The following EFCAB8 variants were observed in gnomAD, a reference collection of about 807,000 sequenced individuals.
The protein encoded by EFCAB8 is EF-hand calcium-binding domain-containing protein 8.
A neutral mutation model predicts 116.3 loss-of-function variants in EFCAB8; 100 were observed. The observed-to-expected ratio is 0.86, with a 90% CI of 0.73 to 1.02. EFCAB8 has a LOEUF of 1.02. Ranked by LOEUF, EFCAB8 falls within the 50% of genes least tolerant of loss-of-function variation. The probability of loss-of-function intolerance (pLI) is 0.00; values close to 1 mark genes in which losing one functional copy is unlikely to be tolerated. For synonymous variants in EFCAB8, 558 were observed against 567.9 expected, an observed-to-expected ratio of 0.98 and a Z score of 0.25; for missense variants, 1,320 against 1,416.9, an observed-to-expected ratio of 0.93 and a Z score of 1.10.
rs539746872 is a variant in EFCAB8, at chr20:32,917,439, C to T, written c.1995C>T (p.Thr665=). The stretch of plus-strand genomic sequence containing the variant: ...GTGGGGACATCCTCTTCTGGAACAC[C>T]GGCACACTCAAGCCCATCTTCAACT... ...SYSGDILFWN[T]GTLKPIFNFN... is the part of the protein sequence containing the mutation. Residue 665 remains threonine (T), a synonymous_variant, in exon 18 of 27, where the codon ACC becomes ACT. Coordinates refer to ENST00000400522, the MANE Select transcript of EFCAB8 (RefSeq NM_001143967.2). 82 of 1,552,088 alleles carry T rather than the reference C, an allele frequency of 5.3e-5. No individual in the cohort carries two copies. Among genetic ancestry groups the T allele is most frequent in the South Asian group, 5.1e-4 (43 of 84,058 alleles).
In EFCAB8 at chr20:32,876,064, T is replaced by C; in HGVS notation, c.327+20T>C. 6.5e-7 allele frequency: 1 copy of C among 1,544,462 alleles called. No individual in the cohort carries two copies. The highest frequency in any genetic ancestry group is 8.8e-7 in the Non-Finnish European group (1 of 1,140,906). ...ACCTGGGTGAGGAGGGTGCCCCTGC[T>C]TCCTCAGGTGCTGGAGGGAGGCTGG... On this transcript the variant is annotated intron_variant, in intron 4 of 26. Transcript: ENST00000400522.
intron 5 of EFCAB8, among the ~76,000 whole-genome samples, chr20:32,881,451 C>T (rs1985333095): frequency 6.6e-6 from 1 of 152,214 alleles, no homozygotes; most frequent in Non-Finnish European, 1.5e-5. Context: ...TCCACTTCGG[C>T]CTCCCAAAGT....
At chr20:32,866,916 C>T (rs1050094392) in intron 2 of EFCAB8, among the ~76,000 whole-genome samples, 11 of 142,414 alleles carry the variant, frequency 7.7e-5, no homozygotes, top group South Asian at 2.2e-4. Flanking sequence ...TTCTTTCTTT[C>T]GTTTCTTTCG....
chr20:32,946,328 A>G (rs13040407), intron 23 of EFCAB8, among the ~76,000 whole-genome samples: 1 of 152,138 alleles, frequency 6.6e-6, no homozygotes, highest in Non-Finnish European at 1.5e-5. Context: ...AATCTGCTTC[A>G]CTGAGCCAGG....
At position 32,930,540 on chromosome 20, in the gene EFCAB8, A is replaced by C; in HGVS notation, c.2555A>C (p.Asp852Ala). ...GKFPVDLDNG[D>A]VVVGAMATDK... is the part of the protein sequence containing the mutation. Reference sequence around the variant, plus strand: ...TTCCCTGTGGACCTAGACAATGGGGATGTTGTCGTGGGTGCCATGGCCACT... The same window carrying C: ...TTCCCTGTGGACCTAGACAATGGGGCTGTTGTCGTGGGTGCCATGGCCACT... Residue 852 changes from aspartate (D) to alanine (A), a missense_variant, in exon 21 of 27, where the codon GAT becomes GCT. Transcript: ENST00000400522. 6.4e-7 allele frequency: 1 copy of C among 1,552,254 alleles called. No homozygotes were observed. Among genetic ancestry groups the C allele is most frequent in the South Asian group, 1.2e-5 (1 of 84,052 alleles).
chr20:32,868,240 A>G (rs2146172616), intron 3 of EFCAB8, among the ~76,000 whole-genome samples: 1 of 152,112 alleles, frequency 6.6e-6, no homozygotes, highest in South Asian at 2.1e-4. Flanking sequence ...AAAAATAATA[A>G]TTGTAGAGAC....
At chr20:32,928,240 A>AT (rs535554257) in intron 20 of EFCAB8, among the ~76,000 whole-genome samples, 16,951 of 135,330 alleles carry the variant, frequency 0.13, 1,753 homozygotes, top group African/African-American at 0.3. Flanking sequence ...CTGATTTTTT[A>AT]TTTTTTTTTT....
intron 3 of EFCAB8, among the ~76,000 whole-genome samples, chr20:32,871,134 G>GAACACTTGCTTCC (rs1399233139): frequency 2.0e-5 from 3 of 152,078 alleles, no homozygotes; most frequent in Admixed American, 6.6e-5. Flanking sequence ...TTTCAGGTGT[G>GAACACTTGCTTCC]AGCCACCGTG....
chr20:32,895,471 C>T (rs1392094854), intron 9 of EFCAB8, among the ~76,000 whole-genome samples: 1 of 151,536 alleles, frequency 6.6e-6, no homozygotes, highest in African/African-American at 2.4e-5. Flanking sequence ...ACCACAGGCA[C>T]GCCACCACCA....
chr20:32,961,557 T>C lies in EFCAB8; in HGVS notation c.3815T>C (p.Leu1272Pro). ...VSSFERPPRP[L>P]KATFMSSVKG... ...TCCTTCGAGCGGCCCCCAAGGCCTC[T>C]GAAGGCCACCTTCATGTCCTCTGTG... The change falls in exon 27 of 27, where the codon CTG (leucine) becomes CCG (proline). Residue 1272 changes from leucine (L) to proline (P), a missense_variant. Coordinates refer to ENST00000400522, the MANE Select transcript of EFCAB8 (RefSeq NM_001143967.2). 7.1e-7 allele frequency: 1 copy of C among 1,402,096 alleles called. No individual in the cohort carries two copies. Among genetic ancestry groups the C allele is most frequent in the Non-Finnish European group, 9.3e-7 (1 of 1,076,262 alleles). The allele number at this position is 1,402,096 out of a possible 1,614,324, so 86.9% of individuals were successfully genotyped here. A position where few individuals can be genotyped will look rare whatever the true frequency, so the allele number is the denominator to read the frequency against.
At chr20:32,919,727 G>C (rs902665114) in intron 19 of EFCAB8, among the ~76,000 whole-genome samples, 2 of 152,042 alleles carry the variant, frequency 1.3e-5, no homozygotes, top group African/African-American at 2.4e-5. Flanking sequence ...TCAGACTCCT[G>C]GCCTGAAATT....
chr20:32,905,173 G>C (rs1385349871), intron 11 of EFCAB8, among the ~76,000 whole-genome samples: 1 of 152,158 alleles, frequency 6.6e-6, no homozygotes, highest in African/African-American at 2.4e-5. Context: ...ATCCACCCTA[G>C]GTCTGAATCC....
chr20:32,932,336 C>T (rs1371618794), intron 22 of EFCAB8, among the ~76,000 whole-genome samples: 1 of 151,838 alleles, frequency 6.6e-6, no homozygotes, highest in Non-Finnish European at 1.5e-5. Flanking sequence ...TAGATTGCTC[C>T]GTTGCCCTCC....
At chr20:32,954,864 C>T (rs1461266590) in intron 23 of EFCAB8, among the ~76,000 whole-genome samples, 45 of 152,096 alleles carry the variant, frequency 3.0e-4, no homozygotes, top group Admixed American at 2.6e-3. Context: ...AAAATTCAAC[C>T]TTGCATTCCT....
At chr20:32,951,860 T>A (rs1988808194) in intron 23 of EFCAB8, among the ~76,000 whole-genome samples, 1 of 152,258 alleles carries the variant, frequency 6.6e-6, no homozygotes, top group Admixed American at 6.5e-5. Context: ...TTATTGAGTT[T>A]TGAGAATGCT....
intron 2 of EFCAB8, 67 bp from the exon 3 acceptor site, chr20:32,867,515 G>A: frequency 1.3e-6 from 2 of 1,491,092 alleles, no homozygotes; most frequent in Non-Finnish European, 1.8e-6. Context: ...TTTAAATCAT[G>A]TGCTGAAAAT....
chr20:32,953,395 A>C (rs867701101), intron 23 of EFCAB8, among the ~76,000 whole-genome samples: 1 of 151,958 alleles, frequency 6.6e-6, no homozygotes, highest in Non-Finnish European at 1.5e-5. Flanking sequence ...TTTTTGAGGA[A>C]CCTCCATACT....
chr20:32,939,161 T>G (rs1266963408), intron 22 of EFCAB8, among the ~76,000 whole-genome samples: 1 of 94,240 alleles, frequency 1.1e-5, no homozygotes, highest in Non-Finnish European at 2.3e-5. Context: ...CTTTCTTTCT[T>G]TCTTTCTTTC....
intron 23 of EFCAB8, among the ~76,000 whole-genome samples, chr20:32,951,013 G>A (rs1988781624): frequency 6.6e-6 from 1 of 152,194 alleles, no homozygotes; most frequent in Non-Finnish European, 1.5e-5. Flanking sequence ...TTCATTAGAA[G>A]AGAAATACTA....
Sources: allele counts gnomAD v4.1 joint callset (sites outside exome capture counted in the v4.1 genomes callset), GRCh38; gene constraint gnomAD v4.1.1; transcripts MANE v1.5; gene names NCBI Gene and HGNC (gene_info 2026-07-23, HGNC 2026-07-21).